DTD1: variants seen among roughly 807,000 people sequenced by gnomAD.
DTD1 encodes D-tyrosyl-tRNA deacylase 1 homolog.
Under a neutral mutation model 25.6 loss-of-function variants are expected in DTD1, and 13 were observed. The ratio of observed to expected loss-of-function variants is 0.51; its 90% CI spans 0.33 to 0.81. The LOEUF (loss-of-function observed/expected upper bound fraction) is 0.81, where lower values mean the gene tolerates loss of function less well. Among genes scored for constraint, DTD1 ranks in the 30% least tolerant of loss-of-function variants. The probability of loss-of-function intolerance (pLI) is 0.02; values close to 1 mark genes in which losing one functional copy is unlikely to be tolerated. For missense variants in DTD1, 193 were observed against 266.4 expected (o/e 0.72, Z 1.92); for synonymous variants, 110 against 103.6 (o/e 1.06, Z -0.37).
At chr20:18,701,340 G>A (rs1001645318) in intron 4 of DTD1, among the ~76,000 whole-genome samples, 1 of 152,232 alleles carries the variant, frequency 6.6e-6, no homozygotes, top group African/African-American at 2.4e-5. Context: ...CCCCAATAAG[G>A]GGGGCATATA....
intron 3 of DTD1, among the ~76,000 whole-genome samples, chr20:18,617,504 CTG>C (rs2060713802): frequency 6.6e-6 from 1 of 151,834 alleles, no homozygotes; most frequent in African/African-American, 2.4e-5. Context: ...GTTTTGATTA[CTG>C]TAACTTTGTA....
chr20:18,708,267 AT>A (rs1568676872), intron 4 of DTD1, among the ~76,000 whole-genome samples: 14 of 20,746 alleles, frequency 6.7e-4, no homozygotes, highest in South Asian at 1.5e-3. Flanking sequence ...TATATATTTT[AT>A]ATATATATAA....
At chr20:18,660,098 C>G (rs1001643717) in intron 4 of DTD1, among the ~76,000 whole-genome samples, 1 of 151,984 alleles carries the variant, frequency 6.6e-6, no homozygotes, top group Admixed American at 6.6e-5. Flanking sequence ...ATTAGCTATG[C>G]GTGGTGGTGG....
intron 4 of DTD1, among the ~76,000 whole-genome samples, chr20:18,657,935 A>G (rs75959682): frequency 4.6e-4 from 70 of 152,042 alleles, no homozygotes; most frequent in South Asian, 1.0e-3. Context: ...ACAATATTCT[A>G]TTGGTTACAG....
intron 5 of DTD1, 25 bp downstream of exon 5, chr20:18,744,296 A>G (rs1405135216): frequency 2.5e-6 from 4 of 1,603,912 alleles, no homozygotes; most frequent in East Asian, 4.5e-5. Flanking sequence ...GCTTGGCTTC[A>G]TCTTCCCACA....
intron 4 of DTD1, among the ~76,000 whole-genome samples, chr20:18,633,914 A>G (rs1447480416): frequency 6.6e-6 from 1 of 152,178 alleles, no homozygotes; most frequent in Non-Finnish European, 1.5e-5. Flanking sequence ...CAGCATACCC[A>G]TCACATTATA....
chr20:18,633,860 T>C (rs1405276604), intron 4 of DTD1, among the ~76,000 whole-genome samples: 1 of 152,238 alleles, frequency 6.6e-6, no homozygotes, highest in African/African-American at 2.4e-5. Flanking sequence ...GGACCGCTGC[T>C]TGTTTGCAGA....
intron 4 of DTD1, among the ~76,000 whole-genome samples, chr20:18,711,516 T>C (rs1043159352): frequency 6.9e-6 from 1 of 144,414 alleles, no homozygotes; most frequent in Non-Finnish European, 1.6e-5. Flanking sequence ...AGGCTTGTCC[T>C]TTTTTTTTTT....
chr20:18,757,348 TGA>T (rs2061343307), intron 5 of DTD1, among the ~76,000 whole-genome samples: 1 of 152,198 alleles, frequency 6.6e-6, no homozygotes. Context: ...CTGTCTTGTG[TGA>T]GTTTTCAAAG....
At chr20:18,679,504 C>A (rs570017531) in intron 4 of DTD1, among the ~76,000 whole-genome samples, 3 of 152,244 alleles carry the variant, frequency 2.0e-5, no homozygotes, top group African/African-American at 7.2e-5. Flanking sequence ...AATAATTACC[C>A]TTTCTGGTAT....
chr20:18,672,463 T>G (rs954764583), intron 4 of DTD1, among the ~76,000 whole-genome samples: 2 of 152,108 alleles, frequency 1.3e-5, no homozygotes, highest in African/African-American at 4.8e-5. Flanking sequence ...TTTTTTGAAC[T>G]TAGGTATTCA....
chr20:18,608,381 TA>T (rs56197061), intron 3 of DTD1, among the ~76,000 whole-genome samples: 48,045 of 146,972 alleles, frequency 0.33, 7,975 homozygotes, highest in Non-Finnish European at 0.38. Flanking sequence ...TTTTTTTTTT[TA>T]AAAAGTTTAT....
chr20:18,755,766 A>T (rs2061336664), intron 5 of DTD1, among the ~76,000 whole-genome samples: 1 of 152,224 alleles, frequency 6.6e-6, no homozygotes, highest in African/African-American at 2.4e-5. Flanking sequence ...CATGTTTTAT[A>T]ATCCTTTGGG....
intron 4 of DTD1, among the ~76,000 whole-genome samples, chr20:18,633,155 T>C (rs2060795225): frequency 6.6e-6 from 1 of 152,200 alleles, no homozygotes; most frequent in South Asian, 2.1e-4. Flanking sequence ...AAGCCTTGCA[T>C]TCCTTGCTGT....
chr20:18,607,679 A>G (rs2060666220), intron 3 of DTD1, among the ~76,000 whole-genome samples: 2 of 151,986 alleles, frequency 1.3e-5, no homozygotes, highest in South Asian at 4.2e-4. Context: ...TCCTCAATGG[A>G]TATAGGTCTA....
chr20:18,683,917 A>T (rs374927241), intron 4 of DTD1, among the ~76,000 whole-genome samples: 82 of 152,254 alleles, frequency 5.4e-4, no homozygotes, highest in Middle Eastern at 3.4e-3. Flanking sequence ...ACCTCTTGTA[A>T]CTATGGTTTT....
At chr20:18,760,440 T>C (rs2061356864) in intron 5 of DTD1, among the ~76,000 whole-genome samples, 1 of 152,194 alleles carries the variant, frequency 6.6e-6, no homozygotes, top group South Asian at 2.1e-4. Flanking sequence ...TGTTTGTTTG[T>C]TTTCCTTCTA....
chr20:18,711,332 A>G (rs572083872), intron 4 of DTD1, among the ~76,000 whole-genome samples: 79 of 152,162 alleles, frequency 5.2e-4, no homozygotes, highest in Non-Finnish European at 9.1e-4. Flanking sequence ...GGGACTCTCA[A>G]CCCCATCTCC....
At chr20:18,693,886 A>T (rs1364491513) in intron 4 of DTD1, among the ~76,000 whole-genome samples, 2 of 152,154 alleles carry the variant, frequency 1.3e-5, no homozygotes, top group African/African-American at 2.4e-5. Context: ...GCTGACCAAC[A>T]TGCTAGCACC....
Sources: allele counts gnomAD v4.1 joint callset (sites outside exome capture counted in the v4.1 genomes callset), GRCh38; gene constraint gnomAD v4.1.1; transcripts MANE v1.5; gene names NCBI Gene and HGNC (gene_info 2026-07-23, HGNC 2026-07-21).